MACROD1: variants seen among roughly 807,000 people sequenced by gnomAD.
The protein encoded by MACROD1 is mono-ADP ribosylhydrolase 1, also known as ADP-ribose glycohydrolase MACROD1.
MACROD1 carries 31 observed loss-of-function variants against 41.4 expected under a neutral mutation model. The observed-to-expected ratio is 0.75, with a 90% CI of 0.56 to 1.01. The LOEUF (loss-of-function observed/expected upper bound fraction) is 1.01, where lower values mean the gene tolerates loss of function less well. MACROD1 is among the 50% of genes least tolerant of loss of function. The pLI is 0.00. For synonymous variants in MACROD1, 252 were observed against 203.4 expected, an observed-to-expected ratio of 1.24 and a Z score of -2.03; for missense variants, 473 against 460.0, an observed-to-expected ratio of 1.03 and a Z score of -0.26.
At chr11:64,128,014 G>A (rs1442640798) in intron 3 of MACROD1, among the ~76,000 whole-genome samples, 1 of 152,196 alleles carries the variant, frequency 6.6e-6, no homozygotes, top group African/African-American at 2.4e-5. Context: ...TACAGTTAAC[G>A]GGTTTTTCCT....
chr11:64,124,394 G>A (rs1377197232), intron 3 of MACROD1, among the ~76,000 whole-genome samples: 4 of 152,216 alleles, frequency 2.6e-5, no homozygotes, highest in Non-Finnish European at 5.9e-5. Context: ...GGTGGATGGC[G>A]CCTGGGGCAC....
At chr11:64,022,221 G>A (rs998178468) in intron 3 of MACROD1, among the ~76,000 whole-genome samples, 6 of 151,944 alleles carry the variant, frequency 3.9e-5, no homozygotes, top group African/African-American at 1.5e-4. Flanking sequence ...GGGACTGGGG[G>A]CACAGGCAGT....
chr11:64,083,649 G>A (rs1352833941), intron 3 of MACROD1, among the ~76,000 whole-genome samples: 1 of 152,224 alleles, frequency 6.6e-6, no homozygotes, highest in Non-Finnish European at 1.5e-5. Flanking sequence ...AGGCCGCAGT[G>A]AGATGCCAAC....
intron 3 of MACROD1, among the ~76,000 whole-genome samples, chr11:64,112,254 C>T (rs1466071823): frequency 1.3e-5 from 2 of 152,166 alleles, no homozygotes; most frequent in Admixed American, 1.3e-4. Context: ...TGTGGCTCAC[C>T]TGTAATCCCA....
intron 3 of MACROD1, among the ~76,000 whole-genome samples, chr11:64,050,766 A>T (rs923151340): frequency 6.6e-6 from 1 of 152,190 alleles, no homozygotes; most frequent in Admixed American, 6.5e-5. Context: ...TTACAGGCGC[A>T]TGCCATAATA....
intron 3 of MACROD1, among the ~76,000 whole-genome samples, chr11:64,083,355 G>A (rs1944336180): frequency 6.6e-6 from 1 of 152,178 alleles, no homozygotes; most frequent in South Asian, 2.1e-4. Flanking sequence ...AGAATCTCTT[G>A]AACCCAGGAA....
chr11:64,106,728 G>A (rs575257147), intron 3 of MACROD1, among the ~76,000 whole-genome samples: 1 of 152,322 alleles, frequency 6.6e-6, no homozygotes, highest in Admixed American at 6.5e-5. Flanking sequence ...GCTGAGGAGA[G>A]AAGCAGTGCA....
chr11:64,114,882 C>T (rs1434565418), intron 3 of MACROD1, among the ~76,000 whole-genome samples: 2 of 152,176 alleles, frequency 1.3e-5, no homozygotes, highest in South Asian at 2.1e-4. Context: ...AACATTTGAG[C>T]TGGGTCCTGC....
chr11:64,005,317 C>T (rs995973238), intron 4 of MACROD1, among the ~76,000 whole-genome samples: 4 of 152,220 alleles, frequency 2.6e-5, no homozygotes, highest in East Asian at 1.9e-4. Flanking sequence ...CGTGAGCCAC[C>T]GCGCCCGGCC....
chr11:64,088,589 T>TCTC (rs971804830), intron 3 of MACROD1, among the ~76,000 whole-genome samples: 15 of 148,018 alleles, frequency 1.0e-4, no homozygotes, highest in African/African-American at 3.8e-4. Context: ...GGAGCAGGTC[T>TCTC]CTCCTCCTCC....
intron 3 of MACROD1, among the ~76,000 whole-genome samples, chr11:64,140,816 C>G (rs941850872): frequency 6.6e-6 from 1 of 152,158 alleles, no homozygotes; most frequent in African/African-American, 2.4e-5. Context: ...GGACTTGTAC[C>G]CAGGACTCCA....
chr11:64,056,116 G>A (rs565573176), intron 3 of MACROD1, among the ~76,000 whole-genome samples: 56 of 152,266 alleles, frequency 3.7e-4, no homozygotes, highest in Non-Finnish European at 4.4e-4. Context: ...CTCCACCCCC[G>A]GCAATAAGCA....
At chr11:64,006,075 G>T (rs1009814662) in intron 4 of MACROD1, among the ~76,000 whole-genome samples, 7 of 152,256 alleles carry the variant, frequency 4.6e-5, no homozygotes, top group African/African-American at 1.4e-4. Context: ...GGAAATGGGG[G>T]AAACTGAGTC....
chr11:64,165,661 GC>G, intron 1 of MACROD1, 35 bp downstream of exon 1: 1 of 1,357,572 alleles, frequency 7.4e-7, no homozygotes, highest in South Asian at 2.0e-5. Context: ...ACGTGAGGCC[GC>G]CCTCTCCCTC....
At chr11:64,127,312 C>G (rs1164638421) in intron 3 of MACROD1, among the ~76,000 whole-genome samples, 1 of 152,246 alleles carries the variant, frequency 6.6e-6, no homozygotes, top group Non-Finnish European at 1.5e-5. Context: ...GCTGCTGACT[C>G]TCGGCTTGGC....
intron 3 of MACROD1, among the ~76,000 whole-genome samples, chr11:64,054,846 C>T (rs1003250290): frequency 6.6e-6 from 1 of 152,022 alleles, no homozygotes; most frequent in Non-Finnish European, 1.5e-5. Flanking sequence ...ACTTTCCAGC[C>T]AGCTTTTAAG....
chr11:64,041,063 G>A (rs1392434536), intron 3 of MACROD1, among the ~76,000 whole-genome samples: 1 of 151,892 alleles, frequency 6.6e-6, no homozygotes, highest in Non-Finnish European at 1.5e-5. Context: ...CTGGGGTCAC[G>A]GGGCGCTAGT....
At chr11:64,088,721 T>C (rs1188977784) in intron 3 of MACROD1, among the ~76,000 whole-genome samples, 2 of 152,050 alleles carry the variant, frequency 1.3e-5, no homozygotes, top group Non-Finnish European at 2.9e-5. Flanking sequence ...ATGGGGATAA[T>C]CGTGTGTTTC....
At chr11:64,011,795 G>A (rs1160844351) in intron 4 of MACROD1, among the ~76,000 whole-genome samples, 1 of 151,974 alleles carries the variant, frequency 6.6e-6, no homozygotes, top group African/African-American at 2.4e-5. Context: ...ACTCCTGTAG[G>A]AGGGATGTCC....
Sources: gnomAD v4.1 joint callset for allele counts (sites outside exome capture counted in the v4.1 genomes callset) on GRCh38, gnomAD v4.1.1 for gene constraint, MANE v1.5 for transcripts, NCBI Gene and HGNC (gene_info 2026-07-23, HGNC 2026-07-21) for gene names.